GAS7: variants seen among roughly 807,000 people sequenced by gnomAD.
The protein encoded by GAS7 is growth arrest-specific protein 7.
A neutral mutation model predicts 71.1 loss-of-function variants in GAS7; 28 were observed. That is an observed-to-expected ratio of 0.39 (90% CI 0.29 to 0.54). The LOEUF (loss-of-function observed/expected upper bound fraction) is 0.54, where lower values mean the gene tolerates loss of function less well. Ranked by LOEUF, GAS7 falls within the 20% of genes least tolerant of loss-of-function variation. The probability of loss-of-function intolerance (pLI) is 0.62; values close to 1 mark genes in which losing one functional copy is unlikely to be tolerated. For synonymous variants in GAS7, 258 were observed against 245.8 expected (o/e 1.05, Z -0.46); for missense variants, 436 against 627.8 (o/e 0.69, Z 3.27).
At position 10,164,366 on chromosome 17, in the gene GAS7, C is replaced by T. The variant is rs573616844; in HGVS notation, c.183+33842G>A. Among the ~76,000 whole-genome samples the T allele has an allele frequency of 1.5e-4, 22 of 149,958 alleles. No homozygotes were observed. In the East Asian group the frequency reaches 2.4e-3, roughly 16 times the overall value. ...CTGAGGCAGGAGAATCGCTTGAACC[C>T]GGGAGGCAGAGGTTGCAGTGAGCCG... is the stretch of plus-strand genomic sequence containing the variant. On this transcript the variant is annotated intron_variant, in intron 1 of 13. Transcript: ENST00000432992.
At chr17:10,172,170 G>A (rs566578724) in intron 1 of GAS7, among the ~76,000 whole-genome samples, 1 of 152,168 alleles carries the variant, frequency 6.6e-6, no homozygotes, top group Admixed American at 6.5e-5. Flanking sequence ...TTCCTGGACT[G>A]CAAAAGACCT....
In GAS7 at chr17:9,911,327, A is replaced by G; in HGVS notation, c.*5901T>C. 4.3e-6 allele frequency: 1 copy of G among 233,528 alleles called. No homozygotes were observed. Among genetic ancestry groups the G allele is most frequent in the Non-Finnish European group, 8.5e-6 (1 of 118,216 alleles). 14.5% of individuals were successfully genotyped at this position (233,528 alleles called of 1,614,324 possible). A position where few individuals can be genotyped will look rare whatever the true frequency, so the allele number is the denominator to read the frequency against. The stretch of plus-strand genomic sequence containing the variant: ...GGCCAGTCCTGTGCTCTCCCCCTGC[A>G]TAGCAGGCTTTCCCTCTAGGTCTCC... On this transcript the variant is annotated 3_prime_UTR_variant, in exon 14 of 14. Transcript: ENST00000432992. This position sits in a 1 kb window ranked among gnomAD's most constrained non-coding sequence, Gnocchi z 4.0.
At chr17:10,125,542 A>G (rs1379388550) in intron 1 of GAS7, among the ~76,000 whole-genome samples, 1 of 151,672 alleles carries the variant, frequency 6.6e-6, no homozygotes, top group African/African-American at 2.4e-5. Context: ...AAAAAGAAAA[A>G]AAAAAAAGGT....
intron 1 of GAS7, among the ~76,000 whole-genome samples, chr17:10,085,564 C>T (rs919544094): frequency 2.0e-5 from 3 of 151,782 alleles, no homozygotes; most frequent in Middle Eastern, 3.4e-3. Context: ...TGGTGGCGGG[C>T]GCTTGTAGTC....
At chr17:10,156,490 G>A (rs969349913) in intron 1 of GAS7, among the ~76,000 whole-genome samples, 4 of 152,172 alleles carry the variant, frequency 2.6e-5, no homozygotes, top group Non-Finnish European at 5.9e-5. Flanking sequence ...ATGGGACAAA[G>A]CTCTAGAAAC....
intron 7 of GAS7, among the ~76,000 whole-genome samples, chr17:9,941,310 G>A (rs1444067033): frequency 1.3e-5 from 2 of 152,162 alleles, no homozygotes; most frequent in South Asian, 2.1e-4. Context: ...GTGGTCAAGA[G>A]AGATATCTAG....
chr17:10,158,601 A>C (rs2074224829), intron 1 of GAS7, among the ~76,000 whole-genome samples: 2 of 152,120 alleles, frequency 1.3e-5, no homozygotes, highest in Admixed American at 6.5e-5. Flanking sequence ...AATGTTTCCA[A>C]AAAAATACGA....
intron 9 of GAS7, among the ~76,000 whole-genome samples, chr17:9,927,292 C>CACACACAT (rs1555589683): frequency 2.6e-4 from 29 of 112,992 alleles, no homozygotes; most frequent in African/African-American, 1.2e-3. Flanking sequence ...CTACTACATA[C>CACACACAT]ACACACACAC....
chr17:10,187,725 C>T (rs1003428080), intron 1 of GAS7, among the ~76,000 whole-genome samples: 1 of 152,100 alleles, frequency 6.6e-6, no homozygotes, highest in Non-Finnish European at 1.5e-5. Flanking sequence ...TCAAATCCAC[C>T]CCTCAAAAGA....
At chr17:10,198,156 C>G (rs967550226) in intron 1 of GAS7, 52 bp downstream of exon 1, 15 of 1,536,638 alleles carry the variant, frequency 9.8e-6, no homozygotes, top group Admixed American at 1.7e-5. Flanking sequence ...GGTACGCGAG[C>G]GCACCGAGGA....
At chr17:10,135,801 G>A (rs1057277692) in intron 1 of GAS7, among the ~76,000 whole-genome samples, 2 of 152,168 alleles carry the variant, frequency 1.3e-5, no homozygotes, top group Non-Finnish European at 2.9e-5. Flanking sequence ...TGTTTTCAAT[G>A]CTCAGGCCTG....
chr17:10,081,591 C>T (rs1038654781), intron 1 of GAS7, among the ~76,000 whole-genome samples: 5 of 152,134 alleles, frequency 3.3e-5, no homozygotes, highest in Admixed American at 3.3e-4. Context: ...GACTGAAAGA[C>T]TGCGAAATAG....
intron 1 of GAS7, among the ~76,000 whole-genome samples, chr17:10,118,460 C>A (rs569307821): frequency 6.6e-6 from 1 of 152,244 alleles, no homozygotes; most frequent in South Asian, 2.1e-4. Flanking sequence ...CCTGTAATCC[C>A]AACACTTTGG....
intron 3 of GAS7, among the ~76,000 whole-genome samples, chr17:9,977,336 T>C (rs1430510296): frequency 6.6e-6 from 1 of 152,218 alleles, no homozygotes; most frequent in Non-Finnish European, 1.5e-5. Context: ...AGGGTTCTAC[T>C]GGACAACACT....
At chr17:10,072,481 G>A (rs1023823097) in intron 1 of GAS7, among the ~76,000 whole-genome samples, 1 of 152,160 alleles carries the variant, frequency 6.6e-6, no homozygotes, top group African/African-American at 2.4e-5. Flanking sequence ...GAAGGACAAA[G>A]CTCCTGAAGG....
intron 1 of GAS7, among the ~76,000 whole-genome samples, chr17:10,025,871 G>A (rs1313467398): frequency 6.6e-6 from 1 of 152,204 alleles, no homozygotes; most frequent in Non-Finnish European, 1.5e-5. Flanking sequence ...TGAAAACTGA[G>A]ATCATAGAAT....
intron 2 of GAS7, among the ~76,000 whole-genome samples, chr17:10,015,764 C>T (rs1176913833): frequency 6.6e-6 from 1 of 152,114 alleles, no homozygotes; most frequent in African/African-American, 2.4e-5. Context: ...ACACAGCTGA[C>T]TCTTTGCCAT....
intron 1 of GAS7, among the ~76,000 whole-genome samples, chr17:10,183,908 G>A (rs1440797670): frequency 6.6e-5 from 10 of 151,984 alleles, no homozygotes; most frequent in Admixed American, 2.6e-4. Context: ...GCTGAGCTGG[G>A]ATTTGTACGC....
chr17:10,136,965 T>C (rs1364783712), intron 1 of GAS7, among the ~76,000 whole-genome samples: 2 of 151,880 alleles, frequency 1.3e-5, no homozygotes, highest in Non-Finnish European at 1.5e-5. Context: ...CTACAAAAAA[T>C]TAGTCAGACA....
Sources: gnomAD v4.1 joint callset for allele counts (sites outside exome capture counted in the v4.1 genomes callset) on GRCh38, gnomAD v4.1.1 for gene constraint, Gnocchi (gnomAD v3.1) non-coding constraint, MANE v1.5 for transcripts, NCBI Gene and HGNC (gene_info 2026-07-23, HGNC 2026-07-21) for gene names.